STX3: variants seen among roughly 807,000 people sequenced by gnomAD.
STX3 encodes syntaxin 3.
Under a neutral mutation model 40.2 loss-of-function variants are expected in STX3, and 19 were observed. The observed-to-expected ratio is 0.47, with a 90% CI of 0.33 to 0.69. The LOEUF (loss-of-function observed/expected upper bound fraction) is 0.69, where lower values mean the gene tolerates loss of function less well. Ranked by LOEUF, STX3 falls within the 30% of genes least tolerant of loss-of-function variation. STX3 has a pLI of 0.02. For synonymous variants in STX3, 122 were observed against 132.2 expected (o/e 0.92, Z 0.53); for missense variants, 364 against 366.7 (o/e 0.99, Z 0.06).
intron 5 of STX3, among the ~76,000 whole-genome samples, chr11:59,790,949 T>A (rs1865111014): frequency 6.6e-6 from 1 of 152,160 alleles, no homozygotes; most frequent in Non-Finnish European, 1.5e-5. Context: ...AAAGATAGGA[T>A]CCTTGTCCTT....
intron 1 of STX3, among the ~76,000 whole-genome samples, chr11:59,762,138 GTC>G (rs1863070644): frequency 6.6e-6 from 1 of 152,328 alleles, no homozygotes; most frequent in African/African-American, 2.4e-5. Context: ...CAATTGCTTA[GTC>G]TCTTGTTTTT....
chr11:59,776,187 C>T (rs898581263), intron 2 of STX3, among the ~76,000 whole-genome samples: 1 of 152,156 alleles, frequency 6.6e-6, no homozygotes, highest in African/African-American at 2.4e-5. Flanking sequence ...ATCAAGTAGG[C>T]TCTGGCCCCA....
chr11:59,755,888 T>C (rs1193975755), intron 1 of STX3, among the ~76,000 whole-genome samples: 1 of 150,052 alleles, frequency 6.7e-6, no homozygotes, highest in Admixed American at 6.6e-5. Flanking sequence ...CTGGACAGTG[T>C]CTGTCCAGAG....
At position 59,782,987 on chromosome 11, in the gene STX3, A is replaced by C. The variant is rs533676455; in HGVS notation, c.115-4050A>C. Among the ~76,000 whole-genome samples the C allele has an allele frequency of 1.2e-4, 18 of 151,158 alleles. No individual in the cohort carries two copies. In the South Asian group the frequency reaches 3.3e-3, roughly 28 times the overall value. On this transcript the variant is annotated intron_variant, in intron 2 of 10. Transcript: ENST00000337979. ...GCACTCTAGCCTGGGCAACAGAGCA[A>C]GGCTTTGTCTCAAAAAAAAAAAATT...
intron 2 of STX3, among the ~76,000 whole-genome samples, chr11:59,777,436 G>C (rs1864029514): frequency 6.6e-6 from 1 of 152,186 alleles, no homozygotes; most frequent in Non-Finnish European, 1.5e-5. Context: ...CTCAGAGTGT[G>C]TTTTAGAAAA....
At chr11:59,778,786 A>T (rs1864157847) in intron 2 of STX3, among the ~76,000 whole-genome samples, 1 of 151,690 alleles carries the variant, frequency 6.6e-6, no homozygotes, top group African/African-American at 2.4e-5. Context: ...ACACTTTCTA[A>T]CATGGAACTT....
Position 59,755,459 on chromosome 11 carries a change from G to A in STX3, c.-147G>A. Reference sequence around the variant, plus strand: ...TGGCCTCGGACGCTCCTCCTAGCTAGCGGCCGCCGCCCGCCGCCGCCTGCG... The same window carrying A: ...TGGCCTCGGACGCTCCTCCTAGCTAACGGCCGCCGCCCGCCGCCGCCTGCG... On this transcript the variant is annotated 5_prime_UTR_variant, in exon 1 of 11. Transcript: ENST00000337979. 2 of 966,906 alleles carry A rather than the reference G, an allele frequency of 2.1e-6. No homozygotes were observed. Among genetic ancestry groups the A allele is most frequent in the South Asian group, 2.2e-5 (1 of 45,752 alleles). 59.9% of individuals were successfully genotyped at this position (966,906 alleles called of 1,614,324 possible).
chr11:59,770,366 T>A (rs1474828617), intron 1 of STX3, among the ~76,000 whole-genome samples: 1 of 150,660 alleles, frequency 6.6e-6, no homozygotes, highest in African/African-American at 2.4e-5. Context: ...GTGTGGAGTG[T>A]GTGTATGTAT....
At chr11:59,769,995 AGT>A (rs920059604) in intron 1 of STX3, among the ~76,000 whole-genome samples, 4 of 142,646 alleles carry the variant, frequency 2.8e-5, no homozygotes, top group African/African-American at 5.3e-5. Context: ...GAGGGTTATG[AGT>A]GTGTGTGGGT....
In STX3 at chr11:59,803,185, A is replaced by G. The variant is rs1590842753; in HGVS notation, c.*2361A>G. 2.4e-5 allele frequency: 30 copies of G among 1,231,574 alleles called. No homozygotes were observed. Among genetic ancestry groups the G allele is most frequent in the Non-Finnish European group, 3.0e-5 (30 of 987,912 alleles). 76.3% of individuals were successfully genotyped at this position (1,231,574 alleles called of 1,614,324 possible). On this transcript the variant is annotated 3_prime_UTR_variant, in exon 11 of 11. Transcript: ENST00000337979. ...AATACTTTTTGCGATGATGTTTCTC[A>G]TGTATTCTTTCTTTCCTTGTCTGGA...
Position 59,803,147 on chromosome 11 carries a change from T to TA in STX3, c.*2324dup, listed in dbSNP as rs200407732. ...ACCCTCTTCCATGTCCACATGCACT[T>TA]ATCTCCCTGCAGAATACTTTTTGCG... On this transcript the variant is annotated 3_prime_UTR_variant, in exon 11 of 11. Transcript: ENST00000337979. 26,663 of 1,231,050 alleles carry TA rather than the reference T, an allele frequency of 0.022. 364 individuals carry two copies. The highest frequency in any genetic ancestry group is 0.026 in the Non-Finnish European group (25,289 of 987,574). The allele number at this position is 1,231,050 out of a possible 1,614,324, so 76.3% of individuals were successfully genotyped here.
At chr11:59,777,334 AT>A (rs1864022118) in intron 2 of STX3, among the ~76,000 whole-genome samples, 1 of 152,182 alleles carries the variant, frequency 6.6e-6, no homozygotes, top group South Asian at 2.1e-4. Flanking sequence ...ATTTTTAGGA[AT>A]GTCTTCCGGA....
In STX3 at chr11:59,790,529, G is replaced by A. The variant is rs750221241; in HGVS notation, c.300G>A (p.Lys100=). The A allele has an allele frequency of 1.4e-5, 23 of 1,613,860 alleles. No individual in the cohort carries two copies. The highest frequency in any genetic ancestry group is 8.0e-5 in the African/African-American group (6 of 75,046). The change falls in exon 5 of 11, where the codon AAG becomes AAA. Residue 100 remains lysine, a synonymous_variant. Transcript: ENST00000337979. ...NVRNKLKSME[K]HIEEDEVRSS... ...TCCTCTCCTCTTTAGGCATGGAGAA[G>A]CATATTGAAGAAGATGAGGTCAGGT...
chr11:59,785,823 C>T (rs1057104481), intron 2 of STX3, among the ~76,000 whole-genome samples: 6 of 152,204 alleles, frequency 3.9e-5, no homozygotes, highest in African/African-American at 1.4e-4. Context: ...TTGATGTGCC[C>T]TTCACTTTGA....
At position 59,801,302 on chromosome 11, in the gene STX3, CTT is replaced by C; in HGVS notation, c.*479_*480del. 2.0e-6 allele frequency: 2 copies of C among 998,264 alleles called. No individual in the cohort carries two copies. Among genetic ancestry groups the C allele is most frequent in the Non-Finnish European group, 2.4e-6 (2 of 837,592 alleles). The allele number at this position is 998,264 out of a possible 1,614,324, so 61.8% of individuals were successfully genotyped here. On this transcript the variant is annotated 3_prime_UTR_variant, in exon 11 of 11. Coordinates refer to ENST00000337979, the MANE Select transcript of STX3 (RefSeq NM_004177.5). ...GCAACAAGAAGGCTTGGATCTGAGT[CTT>C]CTACCTGGCAGGATGCCAATCCTGT... is the stretch of plus-strand genomic sequence containing the variant.
chr11:59,763,529 A>G (rs1305882493), intron 1 of STX3, among the ~76,000 whole-genome samples: 3 of 152,220 alleles, frequency 2.0e-5, no homozygotes, highest in African/African-American at 4.8e-5. Flanking sequence ...AAGAAATACC[A>G]TGTATTAAGA....
chr11:59,797,421 GA>G (rs1865590457), intron 10 of STX3, 25 bp downstream of exon 10: 12 of 1,579,362 alleles, frequency 7.6e-6, no homozygotes, highest in Non-Finnish European at 1.0e-5. Flanking sequence ...GGTTCTTGGG[GA>G]CTCTGGATTT....
chr11:59,769,579 C>T (rs754590399), intron 1 of STX3, among the ~76,000 whole-genome samples: 3 of 152,212 alleles, frequency 2.0e-5, no homozygotes, highest in Non-Finnish European at 4.4e-5. Flanking sequence ...TCACTGAAGG[C>T]GACCAGGCTG....
Position 59,787,144 on chromosome 11 carries a change from T to G in STX3, c.214+8T>G, listed in dbSNP as rs1864833135. The G allele has an allele frequency of 1.2e-6, 2 of 1,612,296 alleles. No individual in the cohort carries two copies. Among genetic ancestry groups the G allele is most frequent in the Non-Finnish European group, 8.5e-7 (1 of 1,178,594 alleles). ...CACCGATTCCAGAGCCAAGTGAGTG[T>G]TTACTTAGAACTGAGTCATCCAACA... is the stretch of plus-strand genomic sequence containing the variant. On this transcript the variant is annotated splice_region_variant and intron_variant, in intron 3 of 10. Coordinates refer to ENST00000337979, the MANE Select transcript of STX3 (RefSeq NM_004177.5).
Sources: gnomAD v4.1 joint callset for allele counts (sites outside exome capture counted in the v4.1 genomes callset) on GRCh38, gnomAD v4.1.1 for gene constraint, MANE v1.5 for transcripts, NCBI Gene and HGNC (gene_info 2026-07-23, HGNC 2026-07-21) for gene names.